The following NOXA1 variants were observed in gnomAD, a reference collection of about 807,000 sequenced individuals.
The protein encoded by NOXA1 is NADPH oxidase activator 1.
NOXA1 carries 56 observed loss-of-function variants against 64.8 expected under a neutral mutation model. The observed-to-expected ratio is 0.86, with a 90% CI of 0.70 to 1.08. The LOEUF is 1.08. NOXA1 is among the 50% of genes least tolerant of loss of function. NOXA1 has a pLI of 0.00. For synonymous variants in NOXA1, 295 were observed against 294.8 expected (o/e 1.00, Z -0.01); for missense variants, 668 against 658.5 (o/e 1.01, Z -0.16).
At chr9:137,426,118 G>A in intron 1 of NOXA1, 130 bp from the exon 2 acceptor site, 1 of 789,158 alleles carries the variant, frequency 1.3e-6, no homozygotes, top group South Asian at 1.5e-5. Context: ...CTGGACAGGA[G>A]CAGGAGGGGC....
Position 137,430,685 on chromosome 9 carries a change from C to T in NOXA1, c.613-99C>T, listed in dbSNP as rs372993992. The T allele has an allele frequency of 9.6e-6, 10 of 1,044,454 alleles. No homozygotes were observed. The East Asian group carries it at 1.4e-4, about 15-fold the overall frequency. 64.7% of individuals were successfully genotyped at this position (1,044,454 alleles called of 1,614,324 possible). A position where few individuals can be genotyped will look rare whatever the true frequency, so the allele number is the denominator to read the frequency against. The stretch of plus-strand genomic sequence containing the variant: ...GCATGGGCAGCTGTCACCCAGCCCC[C>T]GGGGACTTAGAGCTGCGGGGCACGG... On this transcript the variant is annotated intron_variant, in intron 5 of 13. Coordinates refer to ENST00000683555, the MANE Select transcript of NOXA1 (RefSeq NM_001256067.2).
At position 137,434,040 on chromosome 9, in the gene NOXA1, G is replaced by A. The variant is rs1839249282; in HGVS notation, c.1255G>A (p.Gly419Ser). The change falls in exon 13 of 14, where the codon GGC (glycine) becomes AGC (serine). Residue 419 changes from glycine to serine, a missense_variant. Coordinates refer to ENST00000683555, the MANE Select transcript of NOXA1 (RefSeq NM_001256067.2). ...SYSAQGPEDL[G>S]FRQGDTVDVL... ...CTCCGCCCAGGGGCCAGAGGACCTG[G>A]GCTTCCGACAGGGGGACACGGTGGA... is the stretch of plus-strand genomic sequence containing the variant. 6.3e-7 allele frequency: 1 copy of A among 1,576,180 alleles called. No individual in the cohort carries two copies. The highest frequency in any genetic ancestry group is 8.6e-7 in the Non-Finnish European group (1 of 1,165,968).
At chr9:137,427,911 C>T (rs1428488987) in intron 2 of NOXA1, 122 bp from the exon 3 acceptor site, 9 of 659,672 alleles carry the variant, frequency 1.4e-5, no homozygotes, top group Non-Finnish European at 2.1e-5. Flanking sequence ...ACCGCACTGC[C>T]CTCCCTCAGG....
Position 137,433,813 on chromosome 9 carries a change from G to A in NOXA1, c.1128G>A (p.Arg376=), listed in dbSNP as rs985976302. The stretch of plus-strand genomic sequence containing the variant: ...TCCCCGAGGAGGAGTCGCTGCAGAG[G>A]GCCTGGCAGGACGCAGCTGCCTGCC... The part of the protein sequence containing the change: ...VPIPEEESLQ[R]AWQDAAACPR... The change falls in exon 12 of 14, where the codon AGG becomes AGA. Residue 376 remains arginine (R), a synonymous_variant. Transcript: ENST00000683555. The A allele has an allele frequency of 5.5e-6, 8 of 1,453,036 alleles. No homozygotes were observed. The East Asian group carries it at 1.7e-4, about 32-fold the overall frequency. 90.0% of individuals were successfully genotyped at this position (1,453,036 alleles called of 1,614,324 possible).
rs1432554299 is a variant in NOXA1 at position 137,433,754 on chromosome 9, C to T, written c.1069C>T (p.Leu357=). The part of the protein sequence containing the change: ...HQAQLGQLSY[L]APGEDGHWVP... The stretch of plus-strand genomic sequence containing the variant: ...CTCTGAGGAATCTCTTTGCAGTTAC[C>T]TAGCCCCAGGTGAGGACGGGCACTG... The change falls in exon 12 of 14, where the codon CTA becomes TTA. Residue 357 remains leucine, a synonymous_variant. Transcript: ENST00000683555. 2 of 1,460,306 alleles carry T rather than the reference C, an allele frequency of 1.4e-6. No homozygotes were observed. Among genetic ancestry groups the T allele is most frequent in the African/African-American group, 2.9e-5 (2 of 70,166 alleles). 90.5% of individuals were successfully genotyped at this position (1,460,306 alleles called of 1,614,324 possible). A position where few individuals can be genotyped will look rare whatever the true frequency, so the allele number is the denominator to read the frequency against.
rs769814670 is a variant in NOXA1 at position 137,431,093 on chromosome 9, G to A, written c.691G>A (p.Asp231Asn). 8.1e-6 allele frequency: 13 copies of A among 1,613,226 alleles called. No individual in the cohort carries two copies. Among genetic ancestry groups the A allele is most frequent in the Non-Finnish European group, 2.5e-6 (3 of 1,179,976 alleles). ...TCCACAGGGACCAGGAGCGAACCAT[G>A]ATGCCAGGTAGGAGGGGCTGACTGG... is the stretch of plus-strand genomic sequence containing the variant. ...QQPQGPGANH[D>N]ARSLIMDSPR... Residue 231 changes from aspartate (D) to asparagine (N), a missense_variant, in exon 7 of 14, where the codon GAT becomes AAT. Coordinates refer to ENST00000683555, the MANE Select transcript of NOXA1 (RefSeq NM_001256067.2). This position sits in a 1 kb window ranked among gnomAD's most constrained non-coding sequence, Gnocchi z 5.6.
intron 2 of NOXA1, 149 bp downstream of exon 2, chr9:137,426,479 A>T (rs1838851721): frequency 1.7e-6 from 1 of 605,768 alleles, no homozygotes. Context: ...GAAACCTGAG[A>T]CTGTGGCCCT....
chr9:137,431,528 C>T lies in NOXA1; in HGVS notation c.804+187C>T, dbSNP rs1220342695. On this transcript the variant is annotated intron_variant, in intron 8 of 13. Coordinates refer to ENST00000683555, the MANE Select transcript of NOXA1 (RefSeq NM_001256067.2). The surrounding 1 kb of genome is among the most constrained non-coding windows in gnomAD (Gnocchi z 5.6). ...GGAGGATGCCTGGCTGTGCCCGAGGCGAGTGGGCATTGGCCATCAGGACAG... is the reference window on the plus strand; with the variant it reads ...GGAGGATGCCTGGCTGTGCCCGAGGTGAGTGGGCATTGGCCATCAGGACAG... Among the ~76,000 whole-genome samples the T allele has an allele frequency of 6.6e-6, 1 of 152,186 alleles. No homozygotes were observed. Among genetic ancestry groups the T allele is most frequent in the Non-Finnish European group, 1.5e-5 (1 of 68,014 alleles).
Position 137,423,601 on chromosome 9 carries a change from C to T in NOXA1, c.72C>T (p.Ala24=). The T allele has an allele frequency of 6.8e-7, 1 of 1,478,568 alleles. No homozygotes were observed. The highest frequency in any genetic ancestry group is 1.3e-5 in the South Asian group (1 of 78,142). 91.6% of individuals were successfully genotyped at this position (1,478,568 alleles called of 1,614,324 possible). A position where few individuals can be genotyped will look rare whatever the true frequency, so the allele number is the denominator to read the frequency against. The change falls in exon 1 of 14, where the codon GCC becomes GCT. Residue 24 remains alanine, a synonymous_variant. Coordinates refer to ENST00000683555, the MANE Select transcript of NOXA1 (RefSeq NM_001256067.2). The part of the protein sequence containing the change: ...GAQAVDRGDW[A]RALHLFSGVP... ...AGGCTGTGGATCGTGGGGACTGGGC[C>T]CGCGCCTTGCACCTCTTCTCGGGCG... is the stretch of plus-strand genomic sequence containing the variant.
chr9:137,429,175 G>A, intron 4 of NOXA1, 101 bp from the exon 5 acceptor site: 1 of 1,334,130 alleles, frequency 7.5e-7, no homozygotes, highest in Non-Finnish European at 1.0e-6. Context: ...AAGGGGGTGG[G>A]GGGCCCAAGC....
At chr9:137,428,267 C>G in intron 3 of NOXA1, 126 bp downstream of exon 3, 1 of 665,232 alleles carries the variant, frequency 1.5e-6, no homozygotes, top group Non-Finnish European at 2.6e-6. Context: ...ATGGAATACC[C>G]TGGCCACTCC....
chr9:137,432,483 G>GCCAGGAGAATGGCGTGAAC (rs1280273165), intron 8 of NOXA1, among the ~76,000 whole-genome samples: 1 of 152,296 alleles, frequency 6.6e-6, no homozygotes, highest in East Asian at 1.9e-4. Flanking sequence ...AGGAGGCAGA[G>GCCAGGAGAATGGCGTGAAC]CCAGGAGAAT....
intron 1 of NOXA1, among the ~76,000 whole-genome samples, chr9:137,425,862 A>G (rs1236982075): frequency 2.0e-5 from 3 of 147,056 alleles, no homozygotes; most frequent in Non-Finnish European, 4.5e-5. Flanking sequence ...ACAGAGCGAG[A>G]CCCCGTCTCA....
intron 5 of NOXA1, among the ~76,000 whole-genome samples, chr9:137,430,352 C>A (rs1034191617): frequency 1.1e-4 from 17 of 152,166 alleles, no homozygotes; most frequent in African/African-American, 4.1e-4. Flanking sequence ...GACTGGGTCA[C>A]CCTTGGCTGG....
Position 137,431,323 on chromosome 9 carries a change from G to C in NOXA1, c.786G>C (p.Ser262=), listed in dbSNP as rs376242985. The C allele has an allele frequency of 7.5e-6, 12 of 1,609,920 alleles. No individual in the cohort carries two copies. In the African/African-American group the frequency reaches 1.2e-4, roughly 16 times the overall value. The change falls in exon 8 of 14, where the codon TCG becomes TCC. Residue 262 remains serine, a synonymous_variant. Transcript: ENST00000683555. This position sits in a 1 kb window ranked among gnomAD's most constrained non-coding sequence, Gnocchi z 5.6. The stretch of plus-strand genomic sequence containing the variant: ...AGGTCGGTGCTGACCGCTGCACGTC[G>C]ACTGCCTACCAGGAGCAGGTGCGTG... The part of the protein sequence containing the change: ...ETEVGADRCT[S]TAYQEQRPQV...
At position 137,423,697 on chromosome 9, in the gene NOXA1, C is replaced by T. The variant is rs1362086473; in HGVS notation, c.168C>T (p.Ala56=). 4 of 1,323,520 alleles carry T rather than the reference C, an allele frequency of 3.0e-6. No individual in the cohort carries two copies. The highest frequency in any genetic ancestry group is 3.9e-6 in the Non-Finnish European group (4 of 1,037,784). The allele number at this position is 1,323,520 out of a possible 1,614,324, so 82.0% of individuals were successfully genotyped here. Residue 56 remains alanine (A), a synonymous_variant, in exon 1 of 14, where the codon GCC becomes GCT. Transcript: ENST00000683555. ...ACCTGCTGGCCGGGGACCCCGAGGC[C>T]GCGCTGCGGGTGAGCGGGGCGTGGG... ...CVHLLAGDPE[A]ALRAFDQAVT... is the part of the protein sequence containing the mutation.
At position 137,434,321 on chromosome 9, in the gene NOXA1, C is replaced by A. The variant is rs141290235; in HGVS notation, c.1392C>A (p.Pro464=). 6.2e-7 allele frequency: 1 copy of A among 1,607,624 alleles called. No homozygotes were observed. The highest frequency in any genetic ancestry group is 1.3e-5 in the African/African-American group (1 of 74,850). ...VPAGPRMSGA[P]GRLPRSQQGD... ...CCGGCCCTCGGATGTCAGGAGCCCC[C>A]GGCCGCCTGCCCCGATCCCAGCAGG... is the stretch of plus-strand genomic sequence containing the variant. Residue 464 remains proline, a synonymous_variant, in exon 14 of 14, where the codon CCC becomes CCA. Transcript: ENST00000683555.
intron 2 of NOXA1, among the ~76,000 whole-genome samples, chr9:137,426,939 G>A (rs1219558459): frequency 1.3e-5 from 2 of 152,150 alleles, no homozygotes; most frequent in Non-Finnish European, 2.9e-5. Context: ...TGGGATTACA[G>A]GCATGTGCCA....
chr9:137,428,775 G>T, intron 3 of NOXA1, 107 bp from the exon 4 acceptor site: 6 of 1,151,516 alleles, frequency 5.2e-6, no homozygotes, highest in Non-Finnish European at 7.1e-6. Context: ...TGGGGGGACT[G>T]GGGGAGGGGC....
Sources: gnomAD v4.1 joint callset for allele counts (sites outside exome capture counted in the v4.1 genomes callset) on GRCh38, gnomAD v4.1.1 for gene constraint, Gnocchi (gnomAD v3.1) non-coding constraint, MANE v1.5 for transcripts, NCBI Gene and HGNC (gene_info 2026-07-23, HGNC 2026-07-21) for gene names.